Variants in TNRC6B observed in about 807,000 individuals in gnomAD.
TNRC6B encodes the protein trinucleotide repeat containing adaptor 6B.
Under a neutral mutation model 203.6 loss-of-function variants are expected in TNRC6B, and 52 were observed. That is an observed-to-expected ratio of 0.26 (90% CI 0.20 to 0.32). The LOEUF (loss-of-function observed/expected upper bound fraction) is 0.32. Ranked by LOEUF, TNRC6B falls within the 10% of genes least tolerant of loss-of-function variation. The probability of loss-of-function intolerance (pLI) is 1.00; values close to 1 mark genes in which losing one functional copy is unlikely to be tolerated. For synonymous variants in TNRC6B, 838 were observed against 845.7 expected (o/e 0.99, Z 0.16); for missense variants, 1,923 against 2,286.2 (o/e 0.84, Z 3.24).
At chr22:40,148,289 T>C (rs1203022057) in intron 3 of TNRC6B, among the ~76,000 whole-genome samples, 2 of 150,698 alleles carry the variant, frequency 1.3e-5, no homozygotes, top group African/African-American at 4.9e-5. Context: ...GTTTCTTTTT[T>C]TTTTTTTTTT....
chr22:40,052,012 A>C (rs1348882768), intron 1 of TNRC6B, among the ~76,000 whole-genome samples: 1 of 152,166 alleles, frequency 6.6e-6, no homozygotes, highest in Non-Finnish European at 1.5e-5. Context: ...CATGTTGGAC[A>C]GCACAACTCT....
intron 1 of TNRC6B, among the ~76,000 whole-genome samples, chr22:40,204,523 A>G (rs918974900): frequency 6.6e-6 from 1 of 152,244 alleles, no homozygotes; most frequent in Admixed American, 6.5e-5. Flanking sequence ...CATTCCAAAA[A>G]TGCTAACAAG....
intron 12 of TNRC6B, among the ~76,000 whole-genome samples, chr22:40,298,377 C>T (rs1254152310): frequency 6.6e-6 from 1 of 152,022 alleles, no homozygotes; most frequent in Non-Finnish European, 1.5e-5. Context: ...TAGAAAATAC[C>T]TTTCTGTTCT....
intron 4 of TNRC6B, among the ~76,000 whole-genome samples, chr22:40,165,990 T>A (rs1440358083): frequency 6.6e-6 from 1 of 152,172 alleles, no homozygotes; most frequent in Non-Finnish European, 1.5e-5. Flanking sequence ...TTTTGTTTTG[T>A]TTTTGGGCAG....
chr22:40,285,871 T>A, intron 12 of TNRC6B, 101 bp downstream of exon 12: 1 of 1,413,776 alleles, frequency 7.1e-7, no homozygotes, highest in Non-Finnish European at 9.5e-7. Flanking sequence ...TGATAGTAAG[T>A]AGCATAAAAT....
chr22:40,324,174 G>A lies in TNRC6B; in HGVS notation c.*933G>A, dbSNP rs1452823735. The A allele has an allele frequency of 6.6e-6, 1 of 152,580 alleles. No individual in the cohort carries two copies. The highest frequency in any genetic ancestry group is 1.5e-5 in the Non-Finnish European group (1 of 68,044). 9.5% of individuals were successfully genotyped at this position (152,580 alleles called of 1,614,324 possible). On this transcript the variant is annotated 3_prime_UTR_variant, in exon 23 of 23. Transcript: ENST00000454349. ...GGAGCTCCTTTCCATTTGCAACTTA[G>A]CCTGAATGTGGGGTTTCTCTGGCTG...
intron 1 of TNRC6B, among the ~76,000 whole-genome samples, chr22:40,056,800 A>AT (rs1186044756): frequency 6.7e-6 from 1 of 148,724 alleles, no homozygotes; most frequent in Non-Finnish European, 1.5e-5. Context: ...CCTGTCTCAA[A>AT]AAAAAAAAAA....
At chr22:40,213,381 G>A (rs2069590751) in intron 1 of TNRC6B, among the ~76,000 whole-genome samples, 1 of 152,220 alleles carries the variant, frequency 6.6e-6, no homozygotes, top group South Asian at 2.1e-4. Context: ...CAGTGACCCC[G>A]GGAAAAGAGA....
rs2070451776 is a variant in TNRC6B at position 40,264,916 on chromosome 22, G to A, written c.686G>A (p.Ser229Asn). Residue 229 changes from serine to asparagine, a missense_variant, in exon 5 of 23, where the codon AGC becomes AAC. Ser to Asn is a conservative substitution (Grantham distance 46, BLOSUM62 1). Transcript: ENST00000454349. ...GCCTCGAACCCTGGCTCTGAGAAGA[G>A]CACTCTGCCAGGAAGCACCACTAGT... ...NSASNPGSEK[S>N]TLPGSTTSNK... is the part of the protein sequence containing the mutation. 6.2e-7 allele frequency: 1 copy of A among 1,613,786 alleles called. No homozygotes were observed. The highest frequency in any genetic ancestry group is 1.3e-5 in the African/African-American group (1 of 74,886).
intron 4 of TNRC6B, among the ~76,000 whole-genome samples, chr22:40,158,665 A>G (rs563795879): frequency 1.8e-4 from 27 of 152,214 alleles, no homozygotes; most frequent in African/African-American, 5.3e-4. Context: ...TATCCTTACC[A>G]TTCTCCCTTG....
intron 4 of TNRC6B, among the ~76,000 whole-genome samples, chr22:40,161,113 A>G (rs913422563): frequency 2.0e-5 from 3 of 152,130 alleles, no homozygotes; most frequent in African/African-American, 7.2e-5. Context: ...CATGCCAACA[A>G]ACTTTTTAAA....
intron 19 of TNRC6B, among the ~76,000 whole-genome samples, chr22:40,314,382 C>G (rs1371905936): frequency 6.6e-6 from 1 of 152,156 alleles, no homozygotes; most frequent in Non-Finnish European, 1.5e-5. Flanking sequence ...CTGTTCCATT[C>G]TATTTACTAT....
chr22:40,142,575 T>G (rs1272279249), intron 3 of TNRC6B, among the ~76,000 whole-genome samples: 2 of 152,218 alleles, frequency 1.3e-5, no homozygotes, highest in African/African-American at 4.8e-5. Context: ...AGGAAGACTT[T>G]GTGGAAGCTG....
intron 12 of TNRC6B, among the ~76,000 whole-genome samples, chr22:40,298,384 T>A (rs1736212683): frequency 6.6e-6 from 1 of 152,204 alleles, no homozygotes; most frequent in Non-Finnish European, 1.5e-5. Context: ...TACCTTTCTG[T>A]TCTTGGCTCT....
intron 1 of TNRC6B, among the ~76,000 whole-genome samples, chr22:40,075,156 A>ATATATATATTTTTTTT: frequency 5.6e-5 from 2 of 35,568 alleles, no homozygotes; most frequent in African/African-American, 2.1e-4. Flanking sequence ...ATATATATAT[A>ATATATATATTTTTTTT]TTTTTTTTTT....
chr22:40,172,526 A>C, intron 4 of TNRC6B, among the ~76,000 whole-genome samples: 1 of 152,190 alleles, frequency 6.6e-6, no homozygotes, highest in East Asian at 1.9e-4. Flanking sequence ...TGTAAAGCCT[A>C]TGTGGTCATA....
chr22:40,307,753 C>T (rs1376585602), intron 15 of TNRC6B, among the ~76,000 whole-genome samples: 1 of 152,146 alleles, frequency 6.6e-6, no homozygotes, highest in African/African-American at 2.4e-5. Flanking sequence ...TCAAATTTAT[C>T]TTTCAGATTC....
chr22:40,091,459 A>G (rs927743450), intron 1 of TNRC6B, among the ~76,000 whole-genome samples: 49 of 149,180 alleles, frequency 3.3e-4, no homozygotes, highest in African/African-American at 1.2e-3. Context: ...CAACAAATAA[A>G]TTGCAAAGAA....
At chr22:40,286,689 A>C (rs2070788041) in intron 12 of TNRC6B, among the ~76,000 whole-genome samples, 1 of 152,212 alleles carries the variant, frequency 6.6e-6, no homozygotes. Context: ...TCCATTGGAT[A>C]CCATGGGAAC....
Sources: allele counts gnomAD v4.1 joint callset (sites outside exome capture counted in the v4.1 genomes callset), GRCh38; gene constraint gnomAD v4.1.1; transcripts MANE v1.5; gene names NCBI Gene and HGNC (gene_info 2026-07-23, HGNC 2026-07-21).